SPATA16: variants seen among roughly 807,000 people sequenced by gnomAD.
SPATA16 encodes spermatogenesis-associated protein 16.
Under a neutral mutation model 63.3 loss-of-function variants are expected in SPATA16, and 36 were observed. The observed-to-expected ratio is 0.57, with a 90% CI of 0.44 to 0.75. The LOEUF (loss-of-function observed/expected upper bound fraction) is 0.75, where lower values mean the gene tolerates loss of function less well. Among genes scored for constraint, SPATA16 ranks in the 30% least tolerant of loss-of-function variants. The pLI is 0.00. For missense variants in SPATA16, 646 were observed against 679.3 expected, an observed-to-expected ratio of 0.95 and a Z score of 0.54; for synonymous variants, 203 against 216.7, an observed-to-expected ratio of 0.94 and a Z score of 0.56.
chr3:172,927,702 C>T (rs1732771042), intron 6 of SPATA16, among the ~76,000 whole-genome samples: 1 of 152,084 alleles, frequency 6.6e-6, no homozygotes, highest in South Asian at 2.1e-4. Flanking sequence ...AGCTGGATGC[C>T]AAAGTACAAA....
chr3:172,925,760 A>G (rs1732715397), intron 6 of SPATA16, among the ~76,000 whole-genome samples: 1 of 152,202 alleles, frequency 6.6e-6, no homozygotes, highest in Admixed American at 6.5e-5. Flanking sequence ...CGTCTTCAGA[A>G]TAATAGACAT....
At position 172,910,132 on chromosome 3, in the gene SPATA16, C is replaced by T. The variant is rs369904899; in HGVS notation, c.1587+3529G>A. 1.4e-4 allele frequency among the ~76,000 whole-genome samples: 20 copies of T among 141,504 alleles called. No homozygotes were observed. In the East Asian group the frequency reaches 2.3e-3, roughly 16 times the overall value. 92.8% of individuals were successfully genotyped at this position (141,504 alleles called of 152,430 possible). ...TTTTTGAGACAGAGTCTCACTCTGT[C>T]GCCCAGGCTGGAGTGCAGTGGTGCG... On this transcript the variant is annotated intron_variant, in intron 10 of 10. Transcript: ENST00000351008.
At chr3:172,996,982 C>A (rs763296318) in intron 4 of SPATA16, among the ~76,000 whole-genome samples, 2 of 151,972 alleles carry the variant, frequency 1.3e-5, no homozygotes, top group Non-Finnish European at 2.9e-5. Context: ...CTTTTTAGTG[C>A]CAAACAGTAT....
intron 2 of SPATA16, among the ~76,000 whole-genome samples, chr3:173,099,744 G>A (rs1304513615): frequency 1.3e-5 from 2 of 152,148 alleles, no homozygotes; most frequent in East Asian, 3.8e-4. Flanking sequence ...CCTTGTGATA[G>A]TCATGTTGTG....
intron 2 of SPATA16, among the ~76,000 whole-genome samples, chr3:173,066,701 A>G (rs1172808633): frequency 6.6e-6 from 1 of 152,154 alleles, no homozygotes; most frequent in Non-Finnish European, 1.5e-5. Flanking sequence ...AAGGATAGAC[A>G]CAAACAAGCC....
intron 10 of SPATA16, among the ~76,000 whole-genome samples, chr3:172,904,011 T>G (rs1275128397): frequency 6.6e-6 from 1 of 152,246 alleles, no homozygotes; most frequent in East Asian, 1.9e-4. Flanking sequence ...AGTCAACAAT[T>G]AAGAACAAGC....
At chr3:173,116,147 T>A (rs1247946204) in intron 2 of SPATA16, among the ~76,000 whole-genome samples, 2 of 152,152 alleles carry the variant, frequency 1.3e-5, no homozygotes, top group African/African-American at 4.8e-5. Flanking sequence ...TCACCTTGGC[T>A]TCCCAAAGTG....
intron 2 of SPATA16, among the ~76,000 whole-genome samples, chr3:173,080,277 A>C (rs1254269429): frequency 2.6e-5 from 4 of 152,194 alleles, no homozygotes; most frequent in Admixed American, 1.3e-4. Flanking sequence ...GGAATCAAAA[A>C]AGAATAGACA....
At chr3:173,128,192 C>T (rs1227936870) in intron 1 of SPATA16, among the ~76,000 whole-genome samples, 1 of 152,068 alleles carries the variant, frequency 6.6e-6, no homozygotes, top group East Asian at 1.9e-4. Flanking sequence ...TTATATCCAT[C>T]CATAAAGTAA....
At chr3:172,907,732 T>C (rs1199037217) in intron 10 of SPATA16, among the ~76,000 whole-genome samples, 6 of 152,058 alleles carry the variant, frequency 3.9e-5, no homozygotes, top group Admixed American at 3.9e-4. Context: ...CGTGCCACCA[T>C]GCCCAGCTAA....
chr3:173,027,524 G>A (rs1215051575), intron 3 of SPATA16, among the ~76,000 whole-genome samples: 1 of 151,732 alleles, frequency 6.6e-6, no homozygotes, highest in Non-Finnish European at 1.5e-5. Flanking sequence ...GAATTTTACT[G>A]TTTTCCCTTT....
In SPATA16 at chr3:172,913,535, A is replaced by C; in HGVS notation, c.1587+126T>G. 3.4e-6 allele frequency: 3 copies of C among 875,486 alleles called. No individual in the cohort carries two copies. In the East Asian group the frequency reaches 7.9e-5, roughly 23 times the overall value. The allele number at this position is 875,486 out of a possible 1,614,324, so 54.2% of individuals were successfully genotyped here. A position where few individuals can be genotyped will look rare whatever the true frequency, so the allele number is the denominator to read the frequency against. On this transcript the variant is annotated intron_variant, in intron 10 of 10. Coordinates refer to ENST00000351008, the MANE Select transcript of SPATA16 (RefSeq NM_031955.6). Reference sequence around the variant, plus strand: ...TCCAGGGAGAGAGCTGCATTTAATTAAAAAAGGAAAACAAAAAAACAAACC... The same window carrying C: ...TCCAGGGAGAGAGCTGCATTTAATTCAAAAAGGAAAACAAAAAAACAAACC...
chr3:173,075,972 C>A lies in SPATA16; in HGVS notation c.613-26878G>T, dbSNP rs190891828. Among the ~76,000 whole-genome samples, 36 of 152,110 alleles carry A rather than the reference C, an allele frequency of 2.4e-4. 1 individual carries two copies. In the East Asian group the frequency reaches 5.6e-3, roughly 24 times the overall value. On this transcript the variant is annotated intron_variant, in intron 2 of 10. Coordinates refer to ENST00000351008, the MANE Select transcript of SPATA16 (RefSeq NM_031955.6). The stretch of plus-strand genomic sequence containing the variant: ...TGACAAATGCTTGAAGTGATGAATA[C>A]CCCTATGATTTGATCATTAATTACC...
chr3:173,087,144 A>G (rs1361822632), intron 2 of SPATA16, among the ~76,000 whole-genome samples: 2 of 152,140 alleles, frequency 1.3e-5, no homozygotes, highest in African/African-American at 4.8e-5. Context: ...TCCCACTGTT[A>G]CTGTGTGGGA....
intron 2 of SPATA16, among the ~76,000 whole-genome samples, chr3:173,066,652 T>A (rs2108304093): frequency 6.6e-6 from 1 of 152,276 alleles, no homozygotes; most frequent in Non-Finnish European, 1.5e-5. Context: ...TAGGTCACAA[T>A]GCTTAATCCC....
Position 173,107,735 on chromosome 3 carries a change from T to C in SPATA16, c.612+9385A>G, listed in dbSNP as rs535324797. Among the ~76,000 whole-genome samples the C allele has an allele frequency of 3.3e-4, 51 of 152,258 alleles. 1 individual carries two copies. The highest frequency in any genetic ancestry group is 3.4e-3 in the Middle Eastern group (1 of 294). ...CACTATTTCAGAGTCTGTTTAACTA[T>C]GAAGTTGTATGTGTAGGAAGGCTGG... is the stretch of plus-strand genomic sequence containing the variant. On this transcript the variant is annotated intron_variant, in intron 2 of 10. Transcript: ENST00000351008.
rs374621549 is a variant in SPATA16, at chr3:173,100,607, G to T, written c.612+16513C>A. Among the ~76,000 whole-genome samples the T allele has an allele frequency of 1.0e-4, 15 of 150,232 alleles. No homozygotes were observed. The South Asian group carries it at 2.3e-3, about 23-fold the overall frequency. On this transcript the variant is annotated intron_variant, in intron 2 of 10. Transcript: ENST00000351008. ...AATTATCATCCTTATCTCAAAGCCA[G>T]TTCTAGGAAACATCCAAAATAGAGT... is the stretch of plus-strand genomic sequence containing the variant.
At chr3:172,972,335 G>A (rs1204562367) in intron 5 of SPATA16, among the ~76,000 whole-genome samples, 1 of 152,146 alleles carries the variant, frequency 6.6e-6, no homozygotes, top group African/African-American at 2.4e-5. Context: ...TCTCAAAAGA[G>A]GTCTTTCTAC....
At chr3:172,919,683 A>ATT (rs377328006) in intron 8 of SPATA16, among the ~76,000 whole-genome samples, 476 of 145,106 alleles carry the variant, frequency 3.3e-3, no homozygotes, top group African/African-American at 0.012. Context: ...TTAATTCTTT[A>ATT]TTTTTTTTTT....
Sources: gnomAD v4.1 joint callset for allele counts (sites outside exome capture counted in the v4.1 genomes callset) on GRCh38, gnomAD v4.1.1 for gene constraint, MANE v1.5 for transcripts, NCBI Gene and HGNC (gene_info 2026-07-23, HGNC 2026-07-21) for gene names.